The following GSK3A variants were observed in gnomAD, a reference collection of about 807,000 sequenced individuals.
GSK3A encodes the protein glycogen synthase kinase-3 alpha.
In GSK3A, 14 loss-of-function variants were observed where a neutral mutation model predicts 56.6. That is an observed-to-expected ratio of 0.25 (90% confidence interval 0.16 to 0.39). The LOEUF is 0.39. Ranked by LOEUF, GSK3A falls within the 10% of genes least tolerant of loss-of-function variation. The pLI is 1.00. For synonymous variants in GSK3A, 301 were observed against 285.0 expected (o/e 1.06, Z -0.56); for missense variants, 450 against 656.0 (o/e 0.69, Z 3.43).
chr19:42,230,915 AC>A, intron 10 of GSK3A, 48 bp from the exon 11 acceptor site: 1 of 1,273,656 alleles, frequency 7.9e-7, no homozygotes, highest in Non-Finnish European at 1.1e-6. Flanking sequence ...CCTTTCAGAC[AC>A]CCCTTCGCCC....
chr19:42,231,108 T>C (rs2036221123), intron 10 of GSK3A, among the ~76,000 whole-genome samples: 1 of 152,178 alleles, frequency 6.6e-6, no homozygotes, highest in African/African-American at 2.4e-5. Flanking sequence ...ACGCCTGTAA[T>C]CCCAGCACTT....
intron 4 of GSK3A, among the ~76,000 whole-genome samples, chr19:42,235,121 T>TCAAAAAAAA (rs1350961366): frequency 6.6e-6 from 1 of 151,120 alleles, no homozygotes; most frequent in East Asian, 2.0e-4. Flanking sequence ...AGACCCTGTC[T>TCAAAAAAAA]CAAAAAAAAC....
chr19:42,234,469 G>A lies in GSK3A; in HGVS notation c.798-10C>T. The A allele has an allele frequency of 6.2e-7, 1 of 1,614,020 alleles. No individual in the cohort carries two copies. Among genetic ancestry groups the A allele is most frequent in the Non-Finnish European group, 8.5e-7 (1 of 1,179,852 alleles). On this transcript the variant is annotated splice_polypyrimidine_tract_variant and intron_variant, in intron 5 of 10. Transcript: ENST00000222330. The surrounding 1 kb of genome is among the most constrained non-coding windows in gnomAD (Gnocchi z 5.7). ...GACCAACTGCTTTGCACTGTGGGAA[G>A]AGATGGGCAGGGGTACACGTGAGGC...
At chr19:42,236,742 A>G (rs1229415856) in intron 3 of GSK3A, 26 bp from the exon 4 acceptor site, 10 of 1,559,622 alleles carry the variant, frequency 6.4e-6, no homozygotes, top group Non-Finnish European at 8.8e-6. Context: ...GAGAGGTGTG[A>G]GGCACTGTGA....
chr19:42,241,628 C>T (rs938470600), intron 1 of GSK3A: 1 of 152,158 alleles, frequency 6.6e-6, no homozygotes, highest in African/African-American at 2.4e-5. Context: ...GGTAATGATG[C>T]CAGGTCTTGG....
chr19:42,237,693 C>A (rs148978874), intron 2 of GSK3A, among the ~76,000 whole-genome samples: 1 of 149,368 alleles, frequency 6.7e-6, no homozygotes, highest in African/African-American at 2.4e-5. Flanking sequence ...CTGGTTAACA[C>A]GGTGAAACCC....
chr19:42,231,722 G>A (rs1043230202), intron 10 of GSK3A, among the ~76,000 whole-genome samples: 2 of 150,924 alleles, frequency 1.3e-5, no homozygotes, highest in African/African-American at 4.9e-5. Flanking sequence ...GCAGTGAGCC[G>A]AGATCGAGCC....
intron 10 of GSK3A, 108 bp from the exon 11 acceptor site, chr19:42,230,975 C>T (rs1420035065): frequency 1.0e-5 from 8 of 778,490 alleles, no homozygotes; most frequent in Non-Finnish European, 1.6e-5. Flanking sequence ...TTAAAAGTTA[C>T]AAGCTGTTAC....
intron 6 of GSK3A, 80 bp from the exon 7 acceptor site, chr19:42,233,463 C>T: frequency 1.1e-6 from 1 of 922,936 alleles, no homozygotes; most frequent in East Asian, 2.7e-5. Context: ...TCATGGCCAT[C>T]CTAAGAGTGT....
chr19:42,242,102 GCAC>G, intron 1 of GSK3A, 78 bp downstream of exon 1: 1 of 1,203,422 alleles, frequency 8.3e-7, no homozygotes, highest in Non-Finnish European at 1.1e-6. Context: ...TCCTATCTAA[GCAC>G]ATGAAAGAAT....
chr19:42,241,418 A>G (rs894392110), intron 1 of GSK3A: 1 of 152,158 alleles, frequency 6.6e-6, no homozygotes, highest in Non-Finnish European at 1.5e-5. Context: ...GTATAACCTT[A>G]GATCCATATT....
Position 42,233,104 on chromosome 19 carries a change from C to T in GSK3A, c.1098+6G>A, listed in dbSNP as rs1384857441. On this transcript the variant is annotated splice_donor_region_variant and intron_variant, in intron 8 of 10. Transcript: ENST00000222330. ...ATACTGCCCTGAGCCCCTAGCCCTGCCCCACCTTTGTCCAGGGGTGAGCTT... is the reference window on the plus strand; with the variant it reads ...ATACTGCCCTGAGCCCCTAGCCCTGTCCCACCTTTGTCCAGGGGTGAGCTT... 2 of 1,565,356 alleles carry T rather than the reference C, an allele frequency of 1.3e-6. No homozygotes were observed. The highest frequency in any genetic ancestry group is 4.5e-5 in the East Asian group (2 of 44,438).
intron 8 of GSK3A, 36 bp downstream of exon 8, chr19:42,233,074 C>T: frequency 7.3e-7 from 1 of 1,367,526 alleles, no homozygotes; most frequent in South Asian, 1.4e-5. Flanking sequence ...GACCAGCTCT[C>T]AGCCATACTG....
At chr19:42,240,245 G>T in intron 1 of GSK3A, 103 bp from the exon 2 acceptor site, 1 of 1,083,858 alleles carries the variant, frequency 9.2e-7, no homozygotes, top group Non-Finnish European at 1.4e-6. Context: ...GAAGCTCGTT[G>T]GGGACCTCTT....
In GSK3A at chr19:42,232,660, G is replaced by A; in HGVS notation, c.1121C>T (p.Pro374Leu). Residue 374 changes from proline to leucine, a missense_variant, in exon 9 of 11, where the codon CCA becomes CTA. Pro to Leu is a moderately conservative substitution (Grantham distance 98, BLOSUM62 -3). This residue lies in a region of GSK3A where 113 missense variants were observed against 147.5 expected (regional missense o/e 0.77). Coordinates refer to ENST00000222330, the MANE Select transcript of GSK3A (RefSeq NM_019884.3). ...GCTAGAGCAGAGCGCGATGGCCTCT[G>A]GCGGCGTTCGAGATTTGAACACCTG... ...WTKVFKSRTP[P>L]EAIALCSSLL... 6.3e-7 allele frequency: 1 copy of A among 1,587,208 alleles called. No individual in the cohort carries two copies. The highest frequency in any genetic ancestry group is 2.2e-5 in the East Asian group (1 of 44,580).
chr19:42,238,475 C>G (rs1025904437), intron 2 of GSK3A, among the ~76,000 whole-genome samples: 2 of 151,312 alleles, frequency 1.3e-5, no homozygotes, highest in Non-Finnish European at 2.9e-5. Context: ...AGAGTGGTGG[C>G]ACACGCCTGT....
In GSK3A at chr19:42,242,542, C is replaced by A; in HGVS notation, c.-77G>T. ...AGCCGCCGCCGCTGCCGCCGCCTCC[C>A]CCGGGCCCTGGCCTCTTCCAGGCCG... On this transcript the variant is annotated 5_prime_UTR_variant, in exon 1 of 11. Coordinates refer to ENST00000222330, the MANE Select transcript of GSK3A (RefSeq NM_019884.3). 1 of 969,446 alleles carries A rather than the reference C, an allele frequency of 1.0e-6. No homozygotes were observed. The highest frequency in any genetic ancestry group is 1.2e-6 in the Non-Finnish European group (1 of 808,032). 60.1% of individuals were successfully genotyped at this position (969,446 alleles called of 1,614,324 possible). A position where few individuals can be genotyped will look rare whatever the true frequency, so the allele number is the denominator to read the frequency against.
chr19:42,232,449 G>GC (rs555354549), intron 9 of GSK3A, 47 bp downstream of exon 9: 2 of 1,557,552 alleles, frequency 1.3e-6, no homozygotes, highest in Non-Finnish European at 8.8e-7. Flanking sequence ...ATCTTTGGCT[G>GC]CCCCCCTACC....
At chr19:42,231,405 G>A (rs986234823) in intron 10 of GSK3A, among the ~76,000 whole-genome samples, 2 of 151,802 alleles carry the variant, frequency 1.3e-5, no homozygotes, top group Admixed American at 6.6e-5. Flanking sequence ...AGGATGGGCG[G>A]GCCCATTGCT....
Sources: gnomAD v4.1 joint callset for allele counts (sites outside exome capture counted in the v4.1 genomes callset) on GRCh38, gnomAD v4.1.1 for gene constraint, gnomAD v4.1.1 regional missense constraint, Gnocchi (gnomAD v3.1) non-coding constraint, MANE v1.5 for transcripts, NCBI Gene and HGNC (gene_info 2026-07-23, HGNC 2026-07-21) for gene names.